Variants in USP8 observed in about 807,000 individuals in gnomAD.
USP8 encodes ubiquitin specific peptidase 8.
Under a neutral mutation model 130.0 loss-of-function variants are expected in USP8, and 27 were observed. The observed-to-expected ratio is 0.21, with a 90% CI of 0.15 to 0.29. The LOEUF is 0.29. Among genes scored for constraint, USP8 ranks in the 10% least tolerant of loss-of-function variants. The pLI, the probability that USP8 is intolerant of heterozygous loss-of-function variation, is 1.00. For synonymous variants in USP8, 392 were observed against 444.1 expected, an observed-to-expected ratio of 0.88 and a Z score of 1.48; for missense variants, 1,029 against 1,312.2, an observed-to-expected ratio of 0.78 and a Z score of 3.33.
intron 1 of USP8, among the ~76,000 whole-genome samples, chr15:50,430,062 G>T (rs2049881574): frequency 1.3e-5 from 2 of 152,178 alleles, no homozygotes; most frequent in African/African-American, 4.8e-5. Flanking sequence ...ACTTTACTTT[G>T]TTACCGTTAT....
chr15:50,484,192 A>T (rs2051871768), intron 11 of USP8, 83 bp from the exon 12 acceptor site: 3 of 1,043,690 alleles, frequency 2.9e-6, no homozygotes, highest in Non-Finnish European at 2.8e-6. Context: ...ATTCTCATAG[A>T]TTCGGTTGTG....
chr15:50,470,427 A>G (rs1454321660), intron 7 of USP8, among the ~76,000 whole-genome samples: 1 of 152,110 alleles, frequency 6.6e-6, no homozygotes, highest in Non-Finnish European at 1.5e-5. Context: ...ATCTGAGGGA[A>G]GCAGATTCCA....
At chr15:50,447,794 G>C (rs551206691) in intron 3 of USP8, among the ~76,000 whole-genome samples, 3 of 151,096 alleles carry the variant, frequency 2.0e-5, no homozygotes, top group Non-Finnish European at 4.4e-5. Flanking sequence ...GTGGGGAACG[G>C]GGTCTCACTA....
intron 7 of USP8, among the ~76,000 whole-genome samples, chr15:50,470,921 A>G (rs1163133523): frequency 6.6e-6 from 1 of 152,150 alleles, no homozygotes; most frequent in Non-Finnish European, 1.5e-5. Flanking sequence ...TATGTGAGCA[A>G]ACGATGATGT....
At chr15:50,444,153 G>C (rs543507464) in intron 3 of USP8, among the ~76,000 whole-genome samples, 15 of 147,532 alleles carry the variant, frequency 1.0e-4, no homozygotes, top group African/African-American at 3.8e-4. Flanking sequence ...ACCCAGGCTG[G>C]AGCGCGATGG....
intron 4 of USP8, among the ~76,000 whole-genome samples, chr15:50,454,488 G>A (rs1272351411): frequency 7.3e-6 from 1 of 137,618 alleles, no homozygotes; most frequent in African/African-American, 2.8e-5. Context: ...GTCTCACTCT[G>A]TCTCACCCAG....
chr15:50,489,347 A>G (rs2052075370), intron 12 of USP8: 1 of 153,104 alleles, frequency 6.5e-6, no homozygotes, highest in African/African-American at 2.4e-5. Context: ...TACACCTCTT[A>G]GCATATAGAG....
At chr15:50,462,040 A>C (rs1319104547) in intron 5 of USP8, among the ~76,000 whole-genome samples, 1 of 152,138 alleles carries the variant, frequency 6.6e-6, no homozygotes, top group Non-Finnish European at 1.5e-5. Flanking sequence ...TTGGTCTTTA[A>C]TTGAAGTAAA....
At chr15:50,468,531 C>T (rs1005877449) in intron 7 of USP8, among the ~76,000 whole-genome samples, 4 of 152,130 alleles carry the variant, frequency 2.6e-5, no homozygotes, top group Non-Finnish European at 5.9e-5. Flanking sequence ...GTGTGAGCCA[C>T]GGTGCCCAGC....
At chr15:50,441,126 C>A (rs1269970989) in intron 2 of USP8, among the ~76,000 whole-genome samples, 1 of 151,928 alleles carries the variant, frequency 6.6e-6, no homozygotes, top group South Asian at 2.1e-4. Flanking sequence ...GGTGGTAATG[C>A]GAGCAATGGG....
At chr15:50,453,845 A>G (rs1235012416) in intron 4 of USP8, among the ~76,000 whole-genome samples, 6 of 126,914 alleles carry the variant, frequency 4.7e-5, no homozygotes, top group Non-Finnish European at 1.0e-4. Flanking sequence ...GTCCCTCTTT[A>G]CCTCTGGGAA....
chr15:50,444,051 G>A (rs991941147), intron 3 of USP8, among the ~76,000 whole-genome samples: 1 of 150,908 alleles, frequency 6.6e-6, no homozygotes, highest in Non-Finnish European at 1.5e-5. Flanking sequence ...TTAAAATTTG[G>A]ATAACTTTGG....
intron 14 of USP8, among the ~76,000 whole-genome samples, chr15:50,490,825 C>T (rs2052132525): frequency 6.6e-6 from 1 of 152,134 alleles, no homozygotes; most frequent in Non-Finnish European, 1.5e-5. Flanking sequence ...CATAGACCGC[C>T]TGTGGTCCCG....
intron 14 of USP8, among the ~76,000 whole-genome samples, chr15:50,491,948 C>T (rs773593296): frequency 1.4e-4 from 22 of 152,058 alleles, no homozygotes; most frequent in African/African-American, 4.6e-4. Flanking sequence ...TTCACTGCAA[C>T]GTCTGCCTCC....
In USP8 at chr15:50,498,698, T is replaced by TTTGAAGAAA; in HGVS notation, c.3143_3151dup (p.Leu1048_Lys1050dup). 1 of 1,611,694 alleles carries TTTGAAGAAA rather than the reference T, an allele frequency of 6.2e-7. No homozygotes were observed. Among genetic ancestry groups the TTTGAAGAAA allele is most frequent in the Non-Finnish European group, 8.5e-7 (1 of 1,178,406 alleles). Reference sequence around the variant, plus strand: ...AGTATGTTATTGGTCCAAAGAACAATTTGAAGAAATATAATTTGTTTTCTG... The same window carrying TTTGAAGAAA: ...AGTATGTTATTGGTCCAAAGAACAATTTGAAGAAATTGAAGAAATATAATTTGTTTTCTG... On this transcript the variant is annotated inframe_insertion, in exon 19 of 20. Coordinates refer to ENST00000307179, the MANE Select transcript of USP8 (RefSeq NM_005154.5).
intron 16 of USP8, 112 bp from the exon 17 acceptor site, chr15:50,495,736 G>GAGAA (rs2052372229): frequency 1.2e-6 from 1 of 826,316 alleles, no homozygotes; most frequent in African/African-American, 1.7e-5. Flanking sequence ...ACTCCTTTAT[G>GAGAA]AGAACTACAG....
chr15:50,444,837 A>G (rs886137522), intron 3 of USP8, among the ~76,000 whole-genome samples: 1 of 152,160 alleles, frequency 6.6e-6, no homozygotes, highest in Admixed American at 6.5e-5. Context: ...GGTTCACTGC[A>G]GCCTCGACTT....
intron 2 of USP8, among the ~76,000 whole-genome samples, chr15:50,439,790 C>CAATAATAATAATAAT (rs57780466): frequency 1.1e-4 from 15 of 133,592 alleles, no homozygotes; most frequent in African/African-American, 2.9e-4. Flanking sequence ...AACTCTGTCT[C>CAATAATAATAATAAT]AATAATAATA....
At chr15:50,452,430 T>A (rs564307696) in intron 4 of USP8, among the ~76,000 whole-genome samples, 2 of 152,274 alleles carry the variant, frequency 1.3e-5, no homozygotes, top group South Asian at 4.1e-4. Flanking sequence ...TTAATTAGAT[T>A]TATGGAGACT....
Sources: allele counts gnomAD v4.1 joint callset (sites outside exome capture counted in the v4.1 genomes callset), GRCh38; gene constraint gnomAD v4.1.1; transcripts MANE v1.5; gene names NCBI Gene and HGNC (gene_info 2026-07-23, HGNC 2026-07-21).